SIDT1: variants seen among roughly 807,000 people sequenced by gnomAD.
The protein encoded by SIDT1 is SID1 transmembrane family member 1, also known as SID1 transmembrane family, member 1.
Under a neutral mutation model 107.5 loss-of-function variants are expected in SIDT1, and 101 were observed. The ratio of observed to expected loss-of-function variants is 0.94; its 90% CI spans 0.80 to 1.11. The LOEUF is 1.11. Among genes scored for constraint, SIDT1 ranks in the 50% least tolerant of loss-of-function variants. SIDT1 has a pLI of 0.00. For synonymous variants in SIDT1, 395 were observed against 398.2 expected (o/e 0.99, Z 0.10); for missense variants, 1,076 against 1,058.2 (o/e 1.02, Z -0.23).
At position 113,626,228 on chromosome 3, in the gene SIDT1, C is replaced by A. The variant is rs188341869; in HGVS notation, c.2421+13C>A. ...TTTCTCATTCTTGGTGAGTTCATATCTATCTTTTTGTGACTTTCTTCTCTC... is the reference window on the plus strand; with the variant it reads ...TTTCTCATTCTTGGTGAGTTCATATATATCTTTTTGTGACTTTCTTCTCTC... On this transcript the variant is annotated intron_variant, in intron 24 of 24. Coordinates refer to ENST00000264852, the MANE Select transcript of SIDT1 (RefSeq NM_017699.3). 1.9e-4 allele frequency: 303 copies of A among 1,559,894 alleles called. No homozygotes were observed. The Middle Eastern group carries it at 2.8e-3, about 15-fold the overall frequency.
At chr3:113,558,409 C>A (rs1049117535) in intron 1 of SIDT1, among the ~76,000 whole-genome samples, 3 of 152,158 alleles carry the variant, frequency 2.0e-5, no homozygotes, top group African/African-American at 7.2e-5. Context: ...GGGAGGCAGT[C>A]CTTCATAGGT....
chr3:113,595,315 G>A (rs548215500), intron 10 of SIDT1, among the ~76,000 whole-genome samples: 52 of 152,268 alleles, frequency 3.4e-4, no homozygotes, highest in African/African-American at 1.2e-3. Context: ...GCTCATGCCT[G>A]TAATCCCAGC....
intron 15 of SIDT1, 150 bp downstream of exon 15, chr3:113,607,264 G>C (rs1576938387): frequency 7.0e-6 from 4 of 574,936 alleles, no homozygotes; most frequent in Non-Finnish European, 1.3e-5. Flanking sequence ...GTTGAGACCA[G>C]GTATGCTCCT....
chr3:113,624,541 A>T (rs553915171), intron 23 of SIDT1, among the ~76,000 whole-genome samples: 21 of 152,224 alleles, frequency 1.4e-4, no homozygotes, highest in Non-Finnish European at 2.6e-4. Flanking sequence ...TTGTGTCATT[A>T]TGAGTGATGC....
intron 20 of SIDT1, among the ~76,000 whole-genome samples, chr3:113,617,722 T>A (rs1350084333): frequency 6.6e-6 from 1 of 152,248 alleles, no homozygotes; most frequent in African/African-American, 2.4e-5. Flanking sequence ...TGTTTTCGTT[T>A]TTTACATTAA....
At chr3:113,625,163 G>T (rs1042554508) in intron 23 of SIDT1, among the ~76,000 whole-genome samples, 9 of 151,418 alleles carry the variant, frequency 5.9e-5, no homozygotes, top group African/African-American at 1.7e-4. Context: ...GGGGGACGGG[G>T]TCTCCCTCTG....
chr3:113,543,523 C>T (rs183110575), intron 1 of SIDT1, among the ~76,000 whole-genome samples: 12 of 152,246 alleles, frequency 7.9e-5, no homozygotes, highest in African/African-American at 2.4e-4. Flanking sequence ...AACTTGCTCC[C>T]ACCCACTCAT....
chr3:113,574,760 A>G (rs965348503), intron 3 of SIDT1, among the ~76,000 whole-genome samples: 1 of 152,114 alleles, frequency 6.6e-6, no homozygotes, highest in African/African-American at 2.4e-5. Flanking sequence ...CAAGGAAACA[A>G]AATTGTTTTT....
chr3:113,557,436 G>A (rs1940996206), intron 1 of SIDT1, among the ~76,000 whole-genome samples: 1 of 152,032 alleles, frequency 6.6e-6, no homozygotes. Flanking sequence ...CAGTTATTAG[G>A]GCCCCAATCC....
intron 1 of SIDT1, among the ~76,000 whole-genome samples, chr3:113,536,558 T>A (rs538508217): frequency 3.9e-5 from 6 of 152,358 alleles, no homozygotes; most frequent in African/African-American, 1.4e-4. Flanking sequence ...AAGTTTAGGC[T>A]TAAAGACAGG....
Position 113,627,939 on chromosome 3 carries a change from C to T in SIDT1, c.*231C>T. 1 of 551,502 alleles carries T rather than the reference C, an allele frequency of 1.8e-6. No homozygotes were observed. The highest frequency in any genetic ancestry group is 3.2e-6 in the Non-Finnish European group (1 of 307,810). 34.2% of individuals were successfully genotyped at this position (551,502 alleles called of 1,614,324 possible). A position where few individuals can be genotyped will look rare whatever the true frequency, so the allele number is the denominator to read the frequency against. Reference sequence around the variant, plus strand: ...GACGCAAACCTGAGGAGCTGAGAAACACTTGCTCCTTCCATCTGCAGCTTT... The same window carrying T: ...GACGCAAACCTGAGGAGCTGAGAAATACTTGCTCCTTCCATCTGCAGCTTT... On this transcript the variant is annotated 3_prime_UTR_variant, in exon 25 of 25. Transcript: ENST00000264852.
intron 14 of SIDT1, among the ~76,000 whole-genome samples, chr3:113,605,861 C>T (rs1945290510): frequency 1.3e-5 from 2 of 151,830 alleles, no homozygotes; most frequent in Admixed American, 1.3e-4. Flanking sequence ...AAAAAATTAG[C>T]TGAGTGGTGG....
At chr3:113,566,009 C>A (rs192255807) in intron 1 of SIDT1, among the ~76,000 whole-genome samples, 13 of 152,234 alleles carry the variant, frequency 8.5e-5, no homozygotes, top group Non-Finnish European at 1.5e-4. Flanking sequence ...ACATCCGTAT[C>A]CTTCTTTTTC....
At chr3:113,544,843 G>A (rs1939395604) in intron 1 of SIDT1, among the ~76,000 whole-genome samples, 1 of 152,060 alleles carries the variant, frequency 6.6e-6, no homozygotes, top group Admixed American at 6.6e-5. Flanking sequence ...GCCAGGTGCG[G>A]CGGCTCAAGC....
chr3:113,596,977 G>A (rs1270073149), intron 10 of SIDT1, among the ~76,000 whole-genome samples: 2 of 152,216 alleles, frequency 1.3e-5, no homozygotes, highest in Non-Finnish European at 2.9e-5. Context: ...CAAGGAGAGT[G>A]TTGAATTTGG....
chr3:113,623,552 GCGGCTA>G lies in SIDT1; in HGVS notation c.2196+22_2196+27del, dbSNP rs767809157. Reference sequence around the variant, plus strand: ...ATGAAGGTAAGAGCGGGTGCCGGGAGCGGCTACCTCGGGCCCTCGGGCAGGCGAAGG... The same window carrying G: ...ATGAAGGTAAGAGCGGGTGCCGGGAGCCTCGGGCCCTCGGGCAGGCGAAGG... On this transcript the variant is annotated intron_variant, in intron 22 of 24. Transcript: ENST00000264852. 2.8e-5 allele frequency: 45 copies of G among 1,607,214 alleles called. No individual in the cohort carries two copies. Among genetic ancestry groups the G allele is most frequent in the Non-Finnish European group, 3.4e-5 (40 of 1,173,896 alleles).
chr3:113,576,687 G>A (rs1336709016), intron 3 of SIDT1, among the ~76,000 whole-genome samples: 1 of 152,082 alleles, frequency 6.6e-6, no homozygotes, highest in Non-Finnish European at 1.5e-5. Context: ...GATATTTAAA[G>A]ATATAAAAAT....
At chr3:113,600,037 T>C (rs955006399) in intron 10 of SIDT1, among the ~76,000 whole-genome samples, 4 of 152,128 alleles carry the variant, frequency 2.6e-5, no homozygotes, top group African/African-American at 4.8e-5. Context: ...AGGCCAAGCA[T>C]GGTGGCTCAC....
chr3:113,604,982 T>C lies in SIDT1; in HGVS notation c.1404+6T>C. The C allele has an allele frequency of 6.2e-7, 1 of 1,613,856 alleles. No homozygotes were observed. On this transcript the variant is annotated splice_donor_region_variant and intron_variant, in intron 14 of 24. Coordinates refer to ENST00000264852, the MANE Select transcript of SIDT1 (RefSeq NM_017699.3). ...TGGTCATTACCTATCAGACAGTAAG[T>C]GCTGCCCCAGCCCCAGCCCCAGAGT...
Sources: gnomAD v4.1 joint callset for allele counts (sites outside exome capture counted in the v4.1 genomes callset) on GRCh38, gnomAD v4.1.1 for gene constraint, MANE v1.5 for transcripts, NCBI Gene and HGNC (gene_info 2026-07-23, HGNC 2026-07-21) for gene names.